The following BBX variants were observed in gnomAD, a reference collection of about 807,000 sequenced individuals.
The protein encoded by BBX is HMG box transcription factor BBX.
A neutral mutation model predicts 100.2 loss-of-function variants in BBX; 30 were observed. The ratio of observed to expected loss-of-function variants is 0.30; its 90% CI spans 0.22 to 0.41. The LOEUF (loss-of-function observed/expected upper bound fraction) is 0.41, where lower values mean the gene tolerates loss of function less well. BBX is among the 10% of genes least tolerant of loss of function. The probability of loss-of-function intolerance (pLI) is 1.00; values close to 1 mark genes in which losing one functional copy is unlikely to be tolerated. For missense variants in BBX, 1,023 were observed against 1,129.8 expected, an observed-to-expected ratio of 0.91 and a Z score of 1.35; for synonymous variants, 376 against 388.1, an observed-to-expected ratio of 0.97 and a Z score of 0.37.
intron 2 of BBX, among the ~76,000 whole-genome samples, chr3:107,586,750 C>T (rs1218137076): frequency 6.6e-6 from 1 of 151,840 alleles, no homozygotes; most frequent in Non-Finnish European, 1.5e-5. Context: ...GAAGTGATTC[C>T]ACACTTTTTT....
At chr3:107,539,289 ATAT>A (rs2048713359) in intron 2 of BBX, among the ~76,000 whole-genome samples, 1 of 152,202 alleles carries the variant, frequency 6.6e-6, no homozygotes, top group Non-Finnish European at 1.5e-5. Flanking sequence ...TGGTCTCAGG[ATAT>A]TTCTAGTATA....
In BBX at chr3:107,540,367, CTT is replaced by C. The variant is rs577746706; in HGVS notation, c.-84+13971_-84+13972del. On this transcript the variant is annotated intron_variant, in intron 2 of 17. Transcript: ENST00000325805. ...TTAAGCAGTAAGATCTGGATCTTAT[CTT>C]TGTTTCCCGAGTCCTAGGATGCAGT... 8.6e-3 allele frequency among the ~76,000 whole-genome samples: 1,313 copies of C among 152,214 alleles called. 24 individuals carry two copies. Among genetic ancestry groups the C allele is most frequent in the African/African-American group, 0.03 (1,252 of 41,526 alleles).
At chr3:107,698,427 C>T (rs1162828644) in intron 3 of BBX, among the ~76,000 whole-genome samples, 3 of 151,482 alleles carry the variant, frequency 2.0e-5, no homozygotes, top group East Asian at 1.9e-4. Context: ...CTGAAGCGGG[C>T]GGCTCACAAG....
At chr3:107,786,542 A>G (rs984081528) in intron 13 of BBX, among the ~76,000 whole-genome samples, 26 of 152,304 alleles carry the variant, frequency 1.7e-4, no homozygotes, top group African/African-American at 6.0e-4. Flanking sequence ...AGAATATCCA[A>G]TGAGAACAGT....
intron 10 of BBX, among the ~76,000 whole-genome samples, chr3:107,759,805 G>A (rs1306915310): frequency 6.6e-6 from 1 of 152,124 alleles, no homozygotes; most frequent in Non-Finnish European, 1.5e-5. Flanking sequence ...CAAGTACAGA[G>A]TATTTTAAAG....
At chr3:107,664,948 C>T (rs1482527425) in intron 3 of BBX, among the ~76,000 whole-genome samples, 1 of 152,072 alleles carries the variant, frequency 6.6e-6, no homozygotes, top group Non-Finnish European at 1.5e-5. Context: ...TTTTTGTTAG[C>T]CAATGATTCT....
rs985248186 is a variant in BBX at position 107,592,385 on chromosome 3, G to A, written c.-83-53451G>A. ...CAAAAAAAAAAAAAAAAAAAAAAAG[G>A]TGTATTAAGATGACTGTATGTTCTT... On this transcript the variant is annotated intron_variant, in intron 2 of 17. Coordinates refer to ENST00000325805, the MANE Select transcript of BBX (RefSeq NM_001142568.3). Among the ~76,000 whole-genome samples, 15 of 114,534 alleles carry A rather than the reference G, an allele frequency of 1.3e-4. No individual in the cohort carries two copies. In the South Asian group the frequency reaches 4.2e-3, roughly 32 times the overall value. The allele number at this position is 114,534 out of a possible 152,430, so 75.1% of individuals were successfully genotyped here. A position where few individuals can be genotyped will look rare whatever the true frequency, so the allele number is the denominator to read the frequency against.
At chr3:107,616,258 G>T (rs763977655) in intron 2 of BBX, among the ~76,000 whole-genome samples, 1 of 151,116 alleles carries the variant, frequency 6.6e-6, no homozygotes, top group Non-Finnish European at 1.5e-5. Flanking sequence ...TTTTGAATTC[G>T]GTATGCTCAA....
At chr3:107,545,007 C>G (rs2049126531) in intron 2 of BBX, among the ~76,000 whole-genome samples, 1 of 151,508 alleles carries the variant, frequency 6.6e-6, no homozygotes, top group South Asian at 2.1e-4. Flanking sequence ...CAGAGCGAGA[C>G]TCCGTCTCAA....
intron 15 of BBX, among the ~76,000 whole-genome samples, chr3:107,791,556 G>A (rs6437744): frequency 0.97 from 147,879 of 152,314 alleles, 71,918 homozygotes; most frequent in Middle Eastern, 1. Flanking sequence ...ATCAGAGATT[G>A]GAGTTTTTCA....
chr3:107,605,817 G>A (rs2054394492), intron 2 of BBX, among the ~76,000 whole-genome samples: 1 of 152,142 alleles, frequency 6.6e-6, no homozygotes, highest in South Asian at 2.1e-4. Context: ...AGACATACTA[G>A]TATGTAAGAC....
At chr3:107,656,326 C>T (rs913028989) in intron 3 of BBX, among the ~76,000 whole-genome samples, 5 of 152,110 alleles carry the variant, frequency 3.3e-5, no homozygotes, top group African/African-American at 1.2e-4. Context: ...TATCTCTCAA[C>T]AATTAATATA....
chr3:107,712,999 T>C (rs1422791132), intron 4 of BBX, among the ~76,000 whole-genome samples: 1 of 152,218 alleles, frequency 6.6e-6, no homozygotes, highest in East Asian at 1.9e-4. Flanking sequence ...CCTGCAGACA[T>C]AGGTATCCAC....
chr3:107,784,955 T>C (rs79671359), intron 13 of BBX, among the ~76,000 whole-genome samples: 2,797 of 151,750 alleles, frequency 0.018, 90 homozygotes, highest in African/African-American at 0.063. Context: ...ACTCAAATTA[T>C]TAGAATCAGA....
At chr3:107,713,974 T>TC (rs1474633902) in intron 4 of BBX, among the ~76,000 whole-genome samples, 17 of 90,504 alleles carry the variant, frequency 1.9e-4, no homozygotes, top group Admixed American at 1.6e-3. Flanking sequence ...TTTCTTTTTT[T>TC]TTTTTTTTTT....
intron 16 of BBX, 109 bp from the exon 17 acceptor site, chr3:107,800,986 T>A: frequency 9.9e-7 from 1 of 1,011,064 alleles, no homozygotes; most frequent in Non-Finnish European, 1.5e-6. Flanking sequence ...CAAAAGTGAA[T>A]GGTAGAGAAT....
chr3:107,768,790 C>G (rs924684868), intron 10 of BBX, among the ~76,000 whole-genome samples: 1 of 150,220 alleles, frequency 6.7e-6, no homozygotes, highest in Admixed American at 6.7e-5. Context: ...AAGAGCATTC[C>G]TATCAACTGA....
intron 4 of BBX, among the ~76,000 whole-genome samples, chr3:107,714,300 C>G (rs1056750528): frequency 2.0e-5 from 3 of 152,108 alleles, no homozygotes; most frequent in African/African-American, 7.2e-5. Flanking sequence ...GTAGCTCAGG[C>G]AACCTTTTCC....
chr3:107,587,088 T>A (rs2052909504), intron 2 of BBX, among the ~76,000 whole-genome samples: 1 of 152,156 alleles, frequency 6.6e-6, no homozygotes, highest in Non-Finnish European at 1.5e-5. Context: ...GCCATCTTAT[T>A]TTGCTTCATT....
Sources: gnomAD v4.1 joint callset for allele counts (sites outside exome capture counted in the v4.1 genomes callset) on GRCh38, gnomAD v4.1.1 for gene constraint, MANE v1.5 for transcripts, NCBI Gene and HGNC (gene_info 2026-07-23, HGNC 2026-07-21) for gene names.